Variants in HIBADH observed in about 807,000 individuals in gnomAD.
The protein encoded by HIBADH is 3-hydroxyisobutyrate dehydrogenase.
In HIBADH, 25 loss-of-function variants were observed where a neutral mutation model predicts 36.1. The observed-to-expected ratio is 0.69, with a 90% CI of 0.50 to 0.97. The LOEUF is 0.97. Among genes scored for constraint, HIBADH ranks in the 50% least tolerant of loss-of-function variants. The pLI, the probability that HIBADH is intolerant of heterozygous loss-of-function variation, is 0.00. For missense variants in HIBADH, 421 were observed against 418.0 expected (o/e 1.01, Z -0.06); for synonymous variants, 160 against 149.5 (o/e 1.07, Z -0.51).
chr7:27,593,190 A>G (rs1360269665), intron 4 of HIBADH, among the ~76,000 whole-genome samples: 2 of 152,216 alleles, frequency 1.3e-5, no homozygotes, highest in East Asian at 3.8e-4. Context: ...AAATGCTCCA[A>G]TGAGCACTTC....
intron 4 of HIBADH, among the ~76,000 whole-genome samples, chr7:27,599,048 C>T (rs1035439693): frequency 1.4e-4 from 21 of 151,228 alleles, no homozygotes; most frequent in African/African-American, 4.4e-4. Context: ...ATGTCAAATG[C>T]AGAACATCTT....
intron 5 of HIBADH, chr7:27,541,719 G>A: frequency 2.3e-6 from 1 of 426,554 alleles, no homozygotes; most frequent in South Asian, 1.7e-5. Context: ...CACTTTGTAT[G>A]GGTCCCATGG....
intron 4 of HIBADH, among the ~76,000 whole-genome samples, chr7:27,576,328 C>T (rs977407404): frequency 2.6e-5 from 4 of 152,126 alleles, no homozygotes; most frequent in Admixed American, 2.6e-4. Flanking sequence ...AAGCCTTTGG[C>T]AATGTTCTAT....
intron 4 of HIBADH, among the ~76,000 whole-genome samples, chr7:27,568,020 C>T (rs973669690): frequency 1.3e-5 from 2 of 152,160 alleles, no homozygotes; most frequent in Non-Finnish European, 2.9e-5. Flanking sequence ...GGGATGTAAT[C>T]CCACTGTAAG....
intron 2 of HIBADH, among the ~76,000 whole-genome samples, chr7:27,636,425 C>G (rs534869052): frequency 1.2e-4 from 18 of 152,310 alleles, no homozygotes; most frequent in African/African-American, 4.1e-4. Context: ...ACTTGAAAAA[C>G]TGACAAAAGC....
chr7:27,528,330 AG>A lies in HIBADH; in HGVS notation c.853-1959del, dbSNP rs1783941892. Among the ~76,000 whole-genome samples, 3 of 152,210 alleles carry A rather than the reference AG, an allele frequency of 2.0e-5. No homozygotes were observed. The South Asian group carries it at 6.2e-4, about 32-fold the overall frequency. On this transcript the variant is annotated intron_variant, in intron 7 of 7. Coordinates refer to ENST00000265395, the MANE Select transcript of HIBADH (RefSeq NM_152740.4). Reference sequence around the variant, plus strand: ...TGTCTCACACTTTAAATCAAAAGCTAGAAATGATTAAGCTTAGTGAGGAAGG... The same window carrying A: ...TGTCTCACACTTTAAATCAAAAGCTAAAATGATTAAGCTTAGTGAGGAAGG...
intron 2 of HIBADH, among the ~76,000 whole-genome samples, chr7:27,634,884 C>A (rs1785810140): frequency 6.6e-6 from 1 of 152,238 alleles, no homozygotes; most frequent in Admixed American, 6.5e-5. Context: ...CAGCCCCCTG[C>A]ATCCCTAGCA....
chr7:27,541,136 T>G lies in HIBADH; in HGVS notation c.618+1831A>C, dbSNP rs116570439. Among the ~76,000 whole-genome samples the G allele has an allele frequency of 4.9e-3, 735 of 151,510 alleles. 5 individuals are homozygous for G. Among genetic ancestry groups the G allele is most frequent in the African/African-American group, 0.017 (707 of 41,338 alleles). ...AATAAATGTCCTTCGAGCATCCTTTTTTTTTTTTTTTTCTCCGTAATAGGG... is the reference window on the plus strand; with the variant it reads ...AATAAATGTCCTTCGAGCATCCTTTGTTTTTTTTTTTTCTCCGTAATAGGG... On this transcript the variant is annotated intron_variant, in intron 5 of 7. Transcript: ENST00000265395.
At chr7:27,654,734 G>A (rs1187320066) in intron 1 of HIBADH, among the ~76,000 whole-genome samples, 5 of 151,648 alleles carry the variant, frequency 3.3e-5, no homozygotes, top group Non-Finnish European at 7.4e-5. Flanking sequence ...TGTCGCCCAG[G>A]CTAGAGTGCA....
In HIBADH at chr7:27,644,327, C is replaced by T. The variant is rs546378106; in HGVS notation, c.252+5146G>A. Reference sequence around the variant, plus strand: ...AAAAATACAAAAAATTGGCCGGGCACGGTGGCTCACACCTATAATCTCAGC... The same window carrying T: ...AAAAATACAAAAAATTGGCCGGGCATGGTGGCTCACACCTATAATCTCAGC... On this transcript the variant is annotated intron_variant, in intron 2 of 7. Coordinates refer to ENST00000265395, the MANE Select transcript of HIBADH (RefSeq NM_152740.4). 9.2e-5 allele frequency among the ~76,000 whole-genome samples: 14 copies of T among 151,588 alleles called. No individual in the cohort carries two copies. In the East Asian group the frequency reaches 2.3e-3, roughly 25 times the overall value.
intron 2 of HIBADH, among the ~76,000 whole-genome samples, chr7:27,637,757 A>C (rs1170117456): frequency 6.6e-6 from 1 of 152,168 alleles, no homozygotes; most frequent in Non-Finnish European, 1.5e-5. Flanking sequence ...ACACAAAATC[A>C]ATGCGCAAAA....
chr7:27,550,200 C>G (rs891573805), intron 4 of HIBADH, among the ~76,000 whole-genome samples: 5 of 152,148 alleles, frequency 3.3e-5, no homozygotes, highest in African/African-American at 4.8e-5. Flanking sequence ...TGAGTCACCA[C>G]GCCCAGCCAG....
At chr7:27,568,973 T>C (rs1455780318) in intron 4 of HIBADH, among the ~76,000 whole-genome samples, 2 of 149,144 alleles carry the variant, frequency 1.3e-5, no homozygotes, top group Non-Finnish European at 3.0e-5. Context: ...CTGGCACAAA[T>C]GTTAGATATT....
Position 27,610,584 on chromosome 7 carries a change from C to CT in HIBADH, c.484+18786dup, listed in dbSNP as rs1171492814. On this transcript the variant is annotated intron_variant, in intron 4 of 7. Coordinates refer to ENST00000265395, the MANE Select transcript of HIBADH (RefSeq NM_152740.4). Reference sequence around the variant, plus strand: ...AGAATAAATATCACATACAAGACTACTGTATAATCGAAGCACTTGTGAGAG... The same window carrying CT: ...AGAATAAATATCACATACAAGACTACTTGTATAATCGAAGCACTTGTGAGAG... Among the ~76,000 whole-genome samples the CT allele has an allele frequency of 2.0e-5, 3 of 152,238 alleles. No individual in the cohort carries two copies. The East Asian group carries it at 5.8e-4, about 29-fold the overall frequency.
chr7:27,598,100 G>C (rs564597716), intron 4 of HIBADH, among the ~76,000 whole-genome samples: 13 of 152,150 alleles, frequency 8.5e-5, no homozygotes, highest in Non-Finnish European at 1.5e-4. Context: ...CCATCCAGTA[G>C]GTAAGTGGTG....
At chr7:27,632,301 T>C (rs759500347) in intron 3 of HIBADH, 35 bp downstream of exon 3, 4 of 1,348,468 alleles carry the variant, frequency 3.0e-6, no homozygotes, top group Non-Finnish European at 2.1e-6. Flanking sequence ...TGAACTATCA[T>C]AACAAGAAAA....
At chr7:27,595,203 C>T (rs917730354) in intron 4 of HIBADH, among the ~76,000 whole-genome samples, 2 of 152,108 alleles carry the variant, frequency 1.3e-5, no homozygotes, top group East Asian at 1.9e-4. Flanking sequence ...TATCTCCCCA[C>T]GCATATTCAT....
chr7:27,536,614 G>A (rs1214593423), intron 6 of HIBADH, among the ~76,000 whole-genome samples: 1 of 152,014 alleles, frequency 6.6e-6, no homozygotes, highest in Admixed American at 6.6e-5. Flanking sequence ...TTACTTCATT[G>A]TACACCTCGT....
At chr7:27,571,166 C>T (rs1583575148) in intron 4 of HIBADH, among the ~76,000 whole-genome samples, 2 of 152,168 alleles carry the variant, frequency 1.3e-5, no homozygotes, top group South Asian at 4.2e-4. Context: ...AATGATTTTT[C>T]TAAATTCGGT....
Sources: allele counts gnomAD v4.1 joint callset (sites outside exome capture counted in the v4.1 genomes callset), GRCh38; gene constraint gnomAD v4.1.1; transcripts MANE v1.5; gene names NCBI Gene and HGNC (gene_info 2026-07-23, HGNC 2026-07-21).